The following SESN1 variants were observed in gnomAD, a reference collection of about 807,000 sequenced individuals.
The protein encoded by SESN1 is sestrin 1, also known as sestrin-1.
A neutral mutation model predicts 59.3 loss-of-function variants in SESN1; 30 were observed. The observed-to-expected ratio is 0.51, with a 90% CI of 0.38 to 0.69. The LOEUF is 0.69. Among genes scored for constraint, SESN1 ranks in the 30% least tolerant of loss-of-function variants. The pLI, the probability that SESN1 is intolerant of heterozygous loss-of-function variation, is 0.00. For synonymous variants in SESN1, 197 were observed against 219.9 expected (o/e 0.90, Z 0.92); for missense variants, 566 against 673.0 (o/e 0.84, Z 1.76).
intron 1 of SESN1, among the ~76,000 whole-genome samples, chr6:109,082,857 G>A (rs1274573378): frequency 1.3e-5 from 2 of 152,104 alleles, no homozygotes; most frequent in Non-Finnish European, 2.9e-5. Flanking sequence ...CTAAACTAAT[G>A]GCAGTTTCAA....
At chr6:109,008,728 A>T (rs1779788363) in intron 1 of SESN1, 1 of 972,070 alleles carries the variant, frequency 1.0e-6, no homozygotes, top group Non-Finnish European at 1.2e-6. Flanking sequence ...AGAAAAAAAC[A>T]CAAAATGTTA....
chr6:108,990,964 C>T, intron 7 of SESN1, 129 bp from the exon 8 acceptor site: 4 of 695,996 alleles, frequency 5.7e-6, no homozygotes, highest in Non-Finnish European at 9.3e-6. Context: ...CCCTAACTCC[C>T]AGCTTCACTT....
intron 5 of SESN1, among the ~76,000 whole-genome samples, chr6:108,996,519 AGCCC>A (rs1471460846): frequency 7.9e-5 from 12 of 152,192 alleles, no homozygotes; most frequent in African/African-American, 2.7e-4. Context: ...CCTCTTAAAG[AGCCC>A]AAATTTTAAG....
intron 1 of SESN1, among the ~76,000 whole-genome samples, chr6:109,023,587 T>C (rs1455471587): frequency 6.6e-6 from 1 of 152,160 alleles, no homozygotes; most frequent in Non-Finnish European, 1.5e-5. Context: ...GTGCAAGGAT[T>C]TGGGGAAGTA....
chr6:109,068,109 G>C (rs953183677), intron 1 of SESN1, among the ~76,000 whole-genome samples: 1 of 152,020 alleles, frequency 6.6e-6, no homozygotes, highest in African/African-American at 2.4e-5. Flanking sequence ...AGTTTGGGGG[G>C]GACAGTGACT....
intron 1 of SESN1, among the ~76,000 whole-genome samples, chr6:109,066,028 T>C (rs1459185857): frequency 1.3e-5 from 2 of 152,130 alleles, no homozygotes; most frequent in African/African-American, 2.4e-5. Context: ...CTACTATCCA[T>C]ACTCAGTGAA....
At chr6:109,089,738 C>T (rs1016390114) in intron 1 of SESN1, among the ~76,000 whole-genome samples, 2 of 152,222 alleles carry the variant, frequency 1.3e-5, no homozygotes, top group Non-Finnish European at 2.9e-5. Context: ...TTTTCCTCAT[C>T]TTCTAAATCC....
At chr6:109,081,075 C>T (rs1019587) in intron 1 of SESN1, among the ~76,000 whole-genome samples, 2 of 151,876 alleles carry the variant, frequency 1.3e-5, no homozygotes, top group Admixed American at 1.3e-4. Flanking sequence ...AAACACTTCT[C>T]GTCCCAAGCA....
intron 1 of SESN1, among the ~76,000 whole-genome samples, chr6:109,078,633 T>A (rs1156971594): frequency 6.6e-6 from 1 of 152,214 alleles, no homozygotes; most frequent in African/African-American, 2.4e-5. Flanking sequence ...TTTCACATTT[T>A]TAGCCAGTCT....
chr6:109,008,998 C>G (rs1450463210), intron 1 of SESN1: 2 of 1,020,006 alleles, frequency 2.0e-6, no homozygotes, highest in South Asian at 9.2e-5. Context: ...ACCCTCAAGA[C>G]TCGAGGTCTG....
rs565500106 is a variant in SESN1 at position 108,999,374 on chromosome 6, T to G, written c.730-619A>C. 5.9e-5 allele frequency among the ~76,000 whole-genome samples: 9 copies of G among 152,334 alleles called. No homozygotes were observed. In the East Asian group the frequency reaches 1.5e-3, roughly 26 times the overall value. ...AATATATTCAAATCTTGTATCTTCT[T>G]GATAATATCTTTAATTATCTAATAG... On this transcript the variant is annotated intron_variant, in intron 4 of 9. Coordinates refer to ENST00000436639, the MANE Select transcript of SESN1 (RefSeq NM_014454.3).
chr6:109,022,026 T>A (rs947554188), intron 1 of SESN1, among the ~76,000 whole-genome samples: 14 of 152,132 alleles, frequency 9.2e-5, no homozygotes, highest in Non-Finnish European at 1.6e-4. Context: ...CAGTGTTAAT[T>A]AAGCACCTAC....
intron 1 of SESN1, among the ~76,000 whole-genome samples, chr6:109,030,628 T>A (rs1780169105): frequency 6.6e-6 from 1 of 151,972 alleles, no homozygotes; most frequent in Non-Finnish European, 1.5e-5. Context: ...AGGAAAAAAA[T>A]AAGTCTGGAA....
chr6:108,990,497 C>A, intron 8 of SESN1, 148 bp downstream of exon 8: 2 of 716,720 alleles, frequency 2.8e-6, no homozygotes, highest in Non-Finnish European at 4.6e-6. Context: ...TAAAGTGGTT[C>A]TTTGAAGCAT....
chr6:109,089,424 T>C lies in SESN1; in HGVS notation c.279+4371A>G, dbSNP rs138343950. 2.4e-3 allele frequency among the ~76,000 whole-genome samples: 373 copies of C among 152,296 alleles called. 1 individual carries two copies. The highest frequency in any genetic ancestry group is 4.6e-3 in the Non-Finnish European group (315 of 68,010). The stretch of plus-strand genomic sequence containing the variant: ...GCTTTTGCCAGTAAAGTTACATAGA[T>C]TTTCATTTTAGATAAATGGCTCTAC... On this transcript the variant is annotated intron_variant, in intron 1 of 9. Coordinates refer to ENST00000436639, the MANE Select transcript of SESN1 (RefSeq NM_014454.3).
rs1779134383 is a variant in SESN1 at position 108,984,639 on chromosome 6, G to GT, written c.*2904dup. ...AGCCATCACATATCCCCTTGGTTAG[G>GT]TTTATTCCTAAGTATTTTATTCTTT... On this transcript the variant is annotated 3_prime_UTR_variant, in exon 10 of 10. Coordinates refer to ENST00000436639, the MANE Select transcript of SESN1 (RefSeq NM_014454.3). Among the ~76,000 whole-genome samples, 1 of 152,122 alleles carries GT rather than the reference G, an allele frequency of 6.6e-6. No individual in the cohort carries two copies. Among genetic ancestry groups the GT allele is most frequent in the African/African-American group, 2.4e-5 (1 of 41,422 alleles).
chr6:108,990,995 A>G (rs1041350100), intron 7 of SESN1, among the ~76,000 whole-genome samples, 160 bp from the exon 8 acceptor site: 1 of 151,836 alleles, frequency 6.6e-6, no homozygotes, highest in South Asian at 2.1e-4. Flanking sequence ...CTTTTTTTCA[A>G]TTCCCATACT....
chr6:109,007,174 T>C (rs775450876), intron 1 of SESN1, among the ~76,000 whole-genome samples: 1 of 152,214 alleles, frequency 6.6e-6, no homozygotes, highest in Non-Finnish European at 1.5e-5. Context: ...AAAACACTAA[T>C]TTTCAGAGTG....
chr6:109,063,486 G>A (rs1172039137), intron 1 of SESN1, among the ~76,000 whole-genome samples: 1 of 152,126 alleles, frequency 6.6e-6, no homozygotes, highest in Non-Finnish European at 1.5e-5. Context: ...TGGAGACAGA[G>A]CAATCAAAAT....
Sources: allele counts gnomAD v4.1 joint callset (sites outside exome capture counted in the v4.1 genomes callset), GRCh38; gene constraint gnomAD v4.1.1; transcripts MANE v1.5; gene names NCBI Gene and HGNC (gene_info 2026-07-23, HGNC 2026-07-21).